IMMP2L: variants seen among roughly 807,000 people sequenced by gnomAD.
IMMP2L encodes inner mitochondrial membrane peptidase subunit 2.
IMMP2L carries 18 observed loss-of-function variants against 19.3 expected under a neutral mutation model. The observed-to-expected ratio is 0.93, with a 90% CI of 0.64 to 1.38. The LOEUF (loss-of-function observed/expected upper bound fraction) is 1.38. Among genes scored for constraint, IMMP2L ranks in the 40% most tolerant of loss-of-function variants. The pLI is 0.00. For missense variants in IMMP2L, 233 were observed against 218.2 expected (o/e 1.07, Z -0.43); for synonymous variants, 76 against 73.0 (o/e 1.04, Z -0.21).
At chr7:111,397,097 AAG>A (rs1282864974) in intron 3 of IMMP2L, among the ~76,000 whole-genome samples, 3 of 152,078 alleles carry the variant, frequency 2.0e-5, no homozygotes, top group Non-Finnish European at 4.4e-5. Flanking sequence ...CAAAAAAAAA[AAG>A]AAAACATTTT....
chr7:111,261,428 T>C (rs1766160328), intron 3 of IMMP2L, among the ~76,000 whole-genome samples: 1 of 152,146 alleles, frequency 6.6e-6, no homozygotes, highest in African/African-American at 2.4e-5. Flanking sequence ...GTCAGAAATA[T>C]TTTTTAAAAA....
intron 3 of IMMP2L, among the ~76,000 whole-genome samples, chr7:111,288,410 T>C (rs949230579): frequency 1.3e-5 from 2 of 152,076 alleles, no homozygotes; most frequent in African/African-American, 4.8e-5. Context: ...CCAAAAGCAA[T>C]GGCAACAAAA....
intron 3 of IMMP2L, among the ~76,000 whole-genome samples, chr7:111,339,676 A>G (rs571422036): frequency 6.6e-6 from 1 of 152,156 alleles, no homozygotes; most frequent in East Asian, 1.9e-4. Flanking sequence ...ATTGAACATG[A>G]AACAAAGATA....
chr7:110,855,398 G>T (rs913760626), intron 5 of IMMP2L, among the ~76,000 whole-genome samples: 1 of 151,884 alleles, frequency 6.6e-6, no homozygotes, highest in Non-Finnish European at 1.5e-5. Flanking sequence ...GAAGTTCTAC[G>T]CTGGAAAGGT....
intron 2 of IMMP2L, among the ~76,000 whole-genome samples, chr7:111,499,645 T>C (rs1227707581): frequency 6.6e-6 from 1 of 152,190 alleles, no homozygotes; most frequent in Non-Finnish European, 1.5e-5. Context: ...AAGTCACTTG[T>C]CCATAGAAAG....
chr7:111,559,767 C>T (rs960206422), intron 1 of IMMP2L, among the ~76,000 whole-genome samples: 1 of 151,982 alleles, frequency 6.6e-6, no homozygotes, highest in African/African-American at 2.4e-5. Context: ...TTCACACATT[C>T]TTTTATATAT....
At chr7:110,680,028 A>G (rs535546225) in intron 5 of IMMP2L, among the ~76,000 whole-genome samples, 1 of 152,276 alleles carries the variant, frequency 6.6e-6, no homozygotes, top group South Asian at 2.1e-4. Flanking sequence ...ATCATAACGA[A>G]CAATATTCAC....
At chr7:110,751,985 T>C (rs1797750916) in intron 5 of IMMP2L, among the ~76,000 whole-genome samples, 1 of 151,968 alleles carries the variant, frequency 6.6e-6, no homozygotes, top group Non-Finnish European at 1.5e-5. Flanking sequence ...TGATCCTAAG[T>C]CCCACACTAA....
chr7:110,801,442 T>A (rs1307278822), intron 5 of IMMP2L, among the ~76,000 whole-genome samples: 1 of 152,130 alleles, frequency 6.6e-6, no homozygotes, highest in Admixed American at 6.6e-5. Context: ...TTGGTCATTG[T>A]TCTTATGAGA....
intron 3 of IMMP2L, among the ~76,000 whole-genome samples, chr7:111,107,367 A>G (rs1442441921): frequency 6.6e-6 from 1 of 152,050 alleles, no homozygotes; most frequent in African/African-American, 2.4e-5. Context: ...TCTGTTGTAA[A>G]CAGTTTAGAT....
chr7:110,798,342 C>T (rs1801005506), intron 5 of IMMP2L, among the ~76,000 whole-genome samples: 1 of 151,876 alleles, frequency 6.6e-6, no homozygotes, highest in African/African-American at 2.4e-5. Flanking sequence ...TTACTATGTG[C>T]TTGGCATCAT....
At chr7:110,884,552 T>C (rs764918936) in intron 5 of IMMP2L, among the ~76,000 whole-genome samples, 4 of 152,042 alleles carry the variant, frequency 2.6e-5, no homozygotes, top group Admixed American at 6.6e-5. Flanking sequence ...TGTGCAATGA[T>C]CATATACTCA....
At chr7:111,400,564 T>C (rs1833326730) in intron 3 of IMMP2L, among the ~76,000 whole-genome samples, 1 of 152,116 alleles carries the variant, frequency 6.6e-6, no homozygotes, top group Non-Finnish European at 1.5e-5. Context: ...TGTTCTCACC[T>C]TGTGCTCCTT....
intron 3 of IMMP2L, chr7:111,124,927 A>G: frequency 7.2e-7 from 1 of 1,382,492 alleles, no homozygotes; most frequent in Non-Finnish European, 9.7e-7. Context: ...TACTCCAAAA[A>G]TGAACAAAAA....
chr7:110,788,676 A>C lies in IMMP2L; in HGVS notation c.408+97917T>G, dbSNP rs184213062. 4.0e-5 allele frequency among the ~76,000 whole-genome samples: 6 copies of C among 151,792 alleles called. No homozygotes were observed. The East Asian group carries it at 1.2e-3, about 30-fold the overall frequency. On this transcript the variant is annotated intron_variant, in intron 5 of 5. Transcript: ENST00000405709. ...GTCTTATAGATATCACAAATACAAC[A>C]ATGCCAAAATCGAATTAATTTTGCG...
intron 5 of IMMP2L, among the ~76,000 whole-genome samples, chr7:110,790,718 A>G (rs909374093): frequency 6.6e-6 from 1 of 151,732 alleles, no homozygotes; most frequent in African/African-American, 2.4e-5. Context: ...CTATTTTAAT[A>G]TGATGAATTC....
chr7:111,496,182 A>G (rs1843574272), intron 2 of IMMP2L, among the ~76,000 whole-genome samples: 1 of 152,148 alleles, frequency 6.6e-6, no homozygotes, highest in Non-Finnish European at 1.5e-5. Context: ...ATGGTCTACA[A>G]TGCCGTCTTT....
intron 3 of IMMP2L, among the ~76,000 whole-genome samples, chr7:111,450,859 A>C (rs1839075627): frequency 6.6e-6 from 1 of 150,488 alleles, no homozygotes; most frequent in Non-Finnish European, 1.5e-5. Context: ...AAACAAATTT[A>C]CAAGAAAAAA....
chr7:111,108,812 C>T (rs989872221), intron 3 of IMMP2L, among the ~76,000 whole-genome samples: 13 of 151,960 alleles, frequency 8.6e-5, no homozygotes, highest in African/African-American at 2.4e-4. Context: ...ATGAGTACCT[C>T]GTACAGCAAA....
Sources: gnomAD v4.1 joint callset for allele counts (sites outside exome capture counted in the v4.1 genomes callset) on GRCh38, gnomAD v4.1.1 for gene constraint, MANE v1.5 for transcripts, NCBI Gene and HGNC (gene_info 2026-07-23, HGNC 2026-07-21) for gene names.